FHIT: variants seen among roughly 807,000 people sequenced by gnomAD.
FHIT encodes the protein bis(5'-adenosyl)-triphosphatase.
FHIT carries 19 observed loss-of-function variants against 17.9 expected under a neutral mutation model. That is an observed-to-expected ratio of 1.06 (90% CI 0.74 to 1.56). The LOEUF (loss-of-function observed/expected upper bound fraction) is 1.56, where lower values mean the gene tolerates loss of function less well. FHIT is among the 40% of genes most tolerant of loss of function. The probability of loss-of-function intolerance (pLI) is 0.00; values close to 1 mark genes in which losing one functional copy is unlikely to be tolerated. For synonymous variants in FHIT, 81 were observed against 69.7 expected (o/e 1.16, Z -0.81); for missense variants, 248 against 189.2 (o/e 1.31, Z -1.82).
At chr3:60,661,018 G>A (rs1244929124) in intron 4 of FHIT, among the ~76,000 whole-genome samples, 1 of 151,680 alleles carries the variant, frequency 6.6e-6, no homozygotes, top group Non-Finnish European at 1.5e-5. Flanking sequence ...TATGCCTTTG[G>A]TGTTAAATCT....
At chr3:60,297,761 T>G (rs1708278808) in intron 5 of FHIT, among the ~76,000 whole-genome samples, 1 of 152,042 alleles carries the variant, frequency 6.6e-6, no homozygotes. Context: ...CACACCAGAT[T>G]CTCCAACAGA....
intron 3 of FHIT, among the ~76,000 whole-genome samples, chr3:60,983,744 T>C (rs540696198): frequency 1.2e-4 from 18 of 152,262 alleles, no homozygotes; most frequent in South Asian, 1.0e-3. Flanking sequence ...ATGTAGTGTT[T>C]GAGGATGGCA....
At chr3:60,895,682 C>A (rs1467408364) in intron 3 of FHIT, among the ~76,000 whole-genome samples, 1 of 71,648 alleles carries the variant, frequency 1.4e-5, no homozygotes, top group African/African-American at 4.3e-5. Flanking sequence ...TTCTTTCTTT[C>A]TTTCTTTCTT....
At chr3:60,531,722 A>G (rs2035794345) in intron 5 of FHIT, among the ~76,000 whole-genome samples, 1 of 152,240 alleles carries the variant, frequency 6.6e-6, no homozygotes. Context: ...GCTTTTATGT[A>G]TAGCATCTAT....
At chr3:60,105,942 G>A (rs551757363) in intron 5 of FHIT, among the ~76,000 whole-genome samples, 23 of 152,066 alleles carry the variant, frequency 1.5e-4, no homozygotes, top group Non-Finnish European at 2.8e-4. Flanking sequence ...AGTTACCCTT[G>A]GTTAACCATG....
At chr3:60,063,242 C>A (rs1288664141) in intron 5 of FHIT, among the ~76,000 whole-genome samples, 1 of 152,142 alleles carries the variant, frequency 6.6e-6, no homozygotes, top group Non-Finnish European at 1.5e-5. Flanking sequence ...AAGGTCCCGA[C>A]TGACATCTGG....
intron 5 of FHIT, among the ~76,000 whole-genome samples, chr3:60,376,464 A>AT (rs1421356534): frequency 1.3e-5 from 2 of 152,194 alleles, no homozygotes; most frequent in African/African-American, 2.4e-5. Flanking sequence ...GTTGCCACAG[A>AT]TTTTTCATAA....
At chr3:60,736,481 T>C (rs574651973) in intron 4 of FHIT, among the ~76,000 whole-genome samples, 1 of 152,336 alleles carries the variant, frequency 6.6e-6, no homozygotes, top group South Asian at 2.1e-4. Flanking sequence ...TGAAGTTCTG[T>C]TACATCTCAC....
intron 1 of FHIT, among the ~76,000 whole-genome samples, chr3:61,236,536 G>A (rs1026841836): frequency 1.3e-5 from 2 of 152,150 alleles, no homozygotes. Flanking sequence ...TTAGGTCCCT[G>A]AAGTGCTCTA....
chr3:61,231,489 T>C (rs2040100177), intron 1 of FHIT, among the ~76,000 whole-genome samples: 1 of 145,524 alleles, frequency 6.9e-6, no homozygotes, highest in African/African-American at 2.5e-5. Context: ...TCTCGGTCTC[T>C]TACGGAAAAA....
At chr3:60,957,283 G>A (rs1709215018) in intron 3 of FHIT, among the ~76,000 whole-genome samples, 1 of 135,270 alleles carries the variant, frequency 7.4e-6, no homozygotes. Flanking sequence ...TGTTGCTCAG[G>A]CTGGAGTGCA....
chr3:61,068,659 G>C (rs924313043), intron 2 of FHIT, among the ~76,000 whole-genome samples: 11 of 150,912 alleles, frequency 7.3e-5, no homozygotes, highest in Admixed American at 3.3e-4. Flanking sequence ...GATATCTTTG[G>C]GGGGAGGGCG....
intron 8 of FHIT, among the ~76,000 whole-genome samples, chr3:59,807,373 A>G (rs972962534): frequency 6.6e-6 from 1 of 152,202 alleles, no homozygotes; most frequent in Non-Finnish European, 1.5e-5. Context: ...CAGGGATGCC[A>G]AACAGGAACA....
At chr3:60,396,900 T>C (rs1351119864) in intron 5 of FHIT, among the ~76,000 whole-genome samples, 1 of 152,112 alleles carries the variant, frequency 6.6e-6, no homozygotes, top group East Asian at 1.9e-4. Flanking sequence ...ATTTAAAGAA[T>C]CACTATAAAA....
intron 5 of FHIT, among the ~76,000 whole-genome samples, chr3:60,380,984 T>C (rs1346566632): frequency 6.6e-6 from 1 of 152,282 alleles, no homozygotes; most frequent in Non-Finnish European, 1.5e-5. Context: ...AGAGTGTTCC[T>C]AGTACTTACT....
intron 5 of FHIT, among the ~76,000 whole-genome samples, chr3:60,117,477 G>C (rs1052092806): frequency 2.7e-5 from 3 of 111,526 alleles, no homozygotes; most frequent in South Asian, 6.4e-4. Context: ...CAGACCCAAA[G>C]TCTATTACTT....
intron 5 of FHIT, among the ~76,000 whole-genome samples, chr3:60,402,348 C>G (rs945631893): frequency 2.0e-5 from 3 of 152,182 alleles, no homozygotes; most frequent in Admixed American, 6.5e-5. Flanking sequence ...ATTCCAACAT[C>G]AACAGTCTGG....
intron 4 of FHIT, among the ~76,000 whole-genome samples, chr3:60,623,561 A>T (rs2107757414): frequency 6.6e-6 from 1 of 152,272 alleles, no homozygotes; most frequent in Middle Eastern, 3.4e-3. Context: ...GTATCACTCA[A>T]CTCGCACATA....
chr3:60,819,907 T>A (rs1266257911), intron 4 of FHIT, among the ~76,000 whole-genome samples: 1 of 152,088 alleles, frequency 6.6e-6, no homozygotes, highest in African/African-American at 2.4e-5. Flanking sequence ...GTAAGTAGGG[T>A]TTCTAAAACT....
Sources: allele counts gnomAD v4.1 joint callset (sites outside exome capture counted in the v4.1 genomes callset), GRCh38; gene constraint gnomAD v4.1.1; transcripts MANE v1.5; gene names NCBI Gene and HGNC (gene_info 2026-07-23, HGNC 2026-07-21).